Variants in LMF1 observed in about 807,000 individuals in gnomAD.
LMF1 encodes the protein lipase maturation factor 1.
Under a neutral mutation model 60.6 loss-of-function variants are expected in LMF1, and 68 were observed. The ratio of observed to expected loss-of-function variants is 1.12; its 90% CI spans 0.92 to 1.37. The LOEUF is 1.37. Ranked by LOEUF, LMF1 falls within the 40% of genes most tolerant of loss-of-function variation. The pLI is 0.00. For missense variants in LMF1, 948 were observed against 767.2 expected (o/e 1.24, Z -2.78); for synonymous variants, 418 against 324.7 (o/e 1.29, Z -3.09).
At chr16:913,592 C>T (rs1489819793) in intron 3 of LMF1, among the ~76,000 whole-genome samples, 2 of 152,272 alleles carry the variant, frequency 1.3e-5, no homozygotes, top group African/African-American at 4.8e-5. Context: ...CTCAGCTGCC[C>T]TCCCCCTCAG....
chr16:912,286 G>A (rs905814638), intron 3 of LMF1, among the ~76,000 whole-genome samples: 13 of 152,068 alleles, frequency 8.5e-5, no homozygotes, highest in African/African-American at 1.4e-4. Flanking sequence ...GGAAGCGGAC[G>A]GAGGCTTGTG....
intron 4 of LMF1, among the ~76,000 whole-genome samples, chr16:905,678 T>C (rs572838796): frequency 6.6e-6 from 1 of 152,344 alleles, no homozygotes; most frequent in South Asian, 2.1e-4. Context: ...TCAGGCATAA[T>C]GGCATTGTGA....
At chr16:977,076 G>T (rs764314717) in intron 1 of LMF1, 1 of 454,142 alleles carries the variant, frequency 2.2e-6, no homozygotes, top group South Asian at 1.6e-5. Flanking sequence ...GGCTACAGAG[G>T]CCCAGAAAGC....
At chr16:942,241 T>C (rs370811297) in intron 2 of LMF1, among the ~76,000 whole-genome samples, 1 of 152,272 alleles carries the variant, frequency 6.6e-6, no homozygotes, top group Non-Finnish European at 1.5e-5. Flanking sequence ...CATCATCCTC[T>C]GGCCTCCAGT....
chr16:864,073 T>C (rs1037394432), intron 10 of LMF1, among the ~76,000 whole-genome samples: 4 of 152,234 alleles, frequency 2.6e-5, no homozygotes, highest in African/African-American at 9.6e-5. Flanking sequence ...AATTGTTGAT[T>C]TGTCGAGCTC....
intron 1 of LMF1, chr16:979,794 A>G (rs1202016150): frequency 1.8e-5 from 8 of 453,738 alleles, no homozygotes; most frequent in Non-Finnish European, 3.5e-5. Flanking sequence ...AAGGTGGCAC[A>G]GTTTGGACCG....
intron 5 of LMF1, among the ~76,000 whole-genome samples, chr16:885,608 C>A (rs551492554): frequency 9.5e-4 from 144 of 152,320 alleles, no homozygotes; most frequent in Non-Finnish European, 1.6e-3. Flanking sequence ...CCAGACAAAG[C>A]ACAATTCAGA....
upstream of LMF1, chr16:975,750 G>C (rs1185959775): frequency 2.2e-6 from 1 of 448,696 alleles, no homozygotes; most frequent in Non-Finnish European, 4.5e-6. Context: ...AAATACTTGG[G>C]AGACAGCAGA....
Position 874,024 on chromosome 16 carries a change from C to G in LMF1, c.898-2683G>C, listed in dbSNP as rs1205656331. 6.6e-6 allele frequency among the ~76,000 whole-genome samples: 1 copy of G among 152,182 alleles called. No individual in the cohort carries two copies. The highest frequency in any genetic ancestry group is 1.5e-5 in the Non-Finnish European group (1 of 68,032). On this transcript the variant is annotated intron_variant, in intron 6 of 10. Coordinates refer to ENST00000262301, the MANE Select transcript of LMF1 (RefSeq NM_022773.4). The surrounding 1 kb of genome is among the most constrained non-coding windows in gnomAD (Gnocchi z 4.1). ...AATCCAGAGATGAAGCTCCCAGTGG[C>G]TGGTGGAGGCCCGGCGGCGGGTGTG...
chr16:935,909 G>A (rs1033580760), intron 2 of LMF1, among the ~76,000 whole-genome samples: 1 of 152,256 alleles, frequency 6.6e-6, no homozygotes, highest in Non-Finnish European at 1.5e-5. Context: ...TGGGGGAGGT[G>A]GGCGGGGACA....
intron 2 of LMF1, among the ~76,000 whole-genome samples, chr16:945,039 C>T (rs563323397): frequency 6.6e-5 from 10 of 151,158 alleles, no homozygotes; most frequent in Non-Finnish European, 1.2e-4. Flanking sequence ...GGTGAAACCC[C>T]ATCTCTACTA....
At chr16:970,547 C>G (rs994019914) in intron 1 of LMF1, among the ~76,000 whole-genome samples, 1 of 152,290 alleles carries the variant, frequency 6.6e-6, no homozygotes, top group Admixed American at 6.5e-5. Flanking sequence ...GCGGGTGGAA[C>G]CGGGAGCCCA....
Position 879,607 on chromosome 16 carries a change from G to A in LMF1, c.860C>T (p.Ala287Val), listed in dbSNP as rs755996576. The change falls in exon 6 of 11, where the codon GCG (alanine) becomes GTG (valine). Residue 287 changes from alanine (A) to valine (V), a missense_variant. Ala to Val is a moderately conservative substitution (Grantham distance 64, BLOSUM62 0). Coordinates refer to ENST00000262301, the MANE Select transcript of LMF1 (RefSeq NM_022773.4). The stretch of plus-strand genomic sequence containing the variant: ...CTGCAGCACCCCGTGGATGATGCAC[G>A]CCCGCCGGCCGAGGAAGAGGAAGAA... ...VPFFLFLGRR[A>V]CIIHGVLQIL... 57 of 1,613,012 alleles carry A rather than the reference G, an allele frequency of 3.5e-5. No individual in the cohort carries two copies. The Admixed American group carries it at 4.0e-4, about 11-fold the overall frequency.
intron 4 of LMF1, among the ~76,000 whole-genome samples, chr16:907,646 G>A (rs7206374): frequency 0.062 from 9,478 of 152,134 alleles, 331 homozygotes; most frequent in Non-Finnish European, 0.082. Flanking sequence ...CCAAGCTGAC[G>A]GTGCGGCGCT....
intron 3 of LMF1, among the ~76,000 whole-genome samples, chr16:913,117 C>T (rs944525281): frequency 3.3e-5 from 5 of 152,228 alleles, no homozygotes; most frequent in African/African-American, 7.2e-5. Flanking sequence ...GCCTGCTGGG[C>T]GCCAGCATCT....
At chr16:871,643 A>G in intron 6 of LMF1, 1 of 368,766 alleles carries the variant, frequency 2.7e-6, no homozygotes, top group Non-Finnish European at 5.0e-6. Flanking sequence ...CCAGACCACC[A>G]GACCCTGTGC....
chr16:977,631 C>T (rs1249811135), intron 1 of LMF1, among the ~76,000 whole-genome samples: 5 of 151,966 alleles, frequency 3.3e-5, no homozygotes, highest in South Asian at 2.1e-4. Flanking sequence ...TCTCAGAGGC[C>T]GCACAAAAGA....
intron 4 of LMF1, among the ~76,000 whole-genome samples, chr16:909,922 A>G (rs2071065317): frequency 6.6e-6 from 1 of 152,264 alleles, no homozygotes; most frequent in Non-Finnish European, 1.5e-5. Context: ...TGGGGCAGGC[A>G]CAAGTTCCTT....
intron 4 of LMF1, chr16:893,500 G>C (rs576311566): frequency 4.7e-6 from 2 of 425,214 alleles, no homozygotes; most frequent in East Asian, 7.2e-5. Flanking sequence ...GTGCACACGC[G>C]TCTCAGCCCC....
Sources: allele counts gnomAD v4.1 joint callset (sites outside exome capture counted in the v4.1 genomes callset), GRCh38; gene constraint gnomAD v4.1.1; non-coding constraint Gnocchi (gnomAD v3.1); transcripts MANE v1.5; gene names NCBI Gene and HGNC (gene_info 2026-07-23, HGNC 2026-07-21).